EPHA5: variants seen among roughly 807,000 people sequenced by gnomAD.
The protein encoded by EPHA5 is EPH receptor A5.
In EPHA5, 60 loss-of-function variants were observed where a neutral mutation model predicts 105.0. That is an observed-to-expected ratio of 0.57 (90% CI 0.46 to 0.71). The LOEUF (loss-of-function observed/expected upper bound fraction) is 0.71. Among genes scored for constraint, EPHA5 ranks in the 30% least tolerant of loss-of-function variants. EPHA5 has a pLI of 0.00. For synonymous variants in EPHA5, 513 were observed against 449.1 expected (o/e 1.14, Z -1.80); for missense variants, 1,218 against 1,274.7 (o/e 0.96, Z 0.68).
chr4:65,331,905 C>T (rs2148797438), intron 16 of EPHA5, 68 bp downstream of exon 16: 1 of 1,539,704 alleles, frequency 6.5e-7, no homozygotes, highest in Non-Finnish European at 8.7e-7. Flanking sequence ...TTACCTCATC[C>T]AGATTGGTTT....
intron 3 of EPHA5, among the ~76,000 whole-genome samples, chr4:65,531,145 C>T (rs1287070055): frequency 6.6e-6 from 1 of 151,208 alleles, no homozygotes; most frequent in Admixed American, 6.6e-5. Context: ...TCACGCCATT[C>T]TCCTGCCTCA....
intron 3 of EPHA5, among the ~76,000 whole-genome samples, chr4:65,508,878 C>G (rs1411076762): frequency 1.3e-5 from 2 of 152,052 alleles, no homozygotes; most frequent in African/African-American, 4.8e-5. Flanking sequence ...ATATCTGTAT[C>G]TATGAATATA....
At chr4:65,524,448 A>G (rs1242110203) in intron 3 of EPHA5, among the ~76,000 whole-genome samples, 2 of 151,782 alleles carry the variant, frequency 1.3e-5, no homozygotes, top group Non-Finnish European at 1.5e-5. Flanking sequence ...ACCAACTTAC[A>G]TATCACATTG....
At chr4:65,435,342 T>G (rs1725376109) in intron 5 of EPHA5, among the ~76,000 whole-genome samples, 1 of 152,110 alleles carries the variant, frequency 6.6e-6, no homozygotes, top group East Asian at 1.9e-4. Context: ...AAGAATAATA[T>G]TTACAGAATT....
chr4:65,470,474 G>A (rs1483229697), intron 5 of EPHA5, among the ~76,000 whole-genome samples: 1 of 152,094 alleles, frequency 6.6e-6, no homozygotes, highest in East Asian at 1.9e-4. Flanking sequence ...TTACACGTGT[G>A]AACCACCACA....
chr4:65,520,272 T>C (rs1292714711), intron 3 of EPHA5, among the ~76,000 whole-genome samples: 1 of 152,094 alleles, frequency 6.6e-6, no homozygotes, highest in African/African-American at 2.4e-5. Flanking sequence ...AAACAAGCAA[T>C]GGGGAAAGGA....
intron 14 of EPHA5, among the ~76,000 whole-genome samples, chr4:65,345,426 G>A (rs1313920936): frequency 1.3e-5 from 2 of 152,220 alleles, no homozygotes; most frequent in African/African-American, 4.8e-5. Flanking sequence ...CTTTTCTTCT[G>A]GGGAAATTTG....
At chr4:65,351,017 C>T (rs1253051215) in intron 13 of EPHA5, among the ~76,000 whole-genome samples, 1 of 110,792 alleles carries the variant, frequency 9.0e-6, no homozygotes, top group Admixed American at 1.1e-4. Flanking sequence ...TGTGTATACA[C>T]AGACACATAC....
chr4:65,565,337 C>G (rs1242620024), intron 3 of EPHA5, among the ~76,000 whole-genome samples: 2 of 151,648 alleles, frequency 1.3e-5, no homozygotes, highest in Non-Finnish European at 3.0e-5. Flanking sequence ...AATCCAATTT[C>G]ATTTCAATAA....
At position 65,480,116 on chromosome 4, in the gene EPHA5, A is replaced by G. The variant is rs1430137027; in HGVS notation, c.1402+10261T>C. Among the ~76,000 whole-genome samples the G allele has an allele frequency of 8.5e-5, 13 of 152,276 alleles. No homozygotes were observed. In the East Asian group the frequency reaches 2.5e-3, roughly 29 times the overall value. ...CAGGAAAAATAACAATAAAGGAGAC[A>G]AGGAAAGAAGGAAAGGAAGAGAGAA... On this transcript the variant is annotated intron_variant, in intron 5 of 16. Transcript: ENST00000613740.
chr4:65,446,657 TAA>T (rs140549204), intron 5 of EPHA5, among the ~76,000 whole-genome samples: 9,921 of 152,264 alleles, frequency 0.065, 447 homozygotes, highest in East Asian at 0.18. Flanking sequence ...AATAGTCACA[TAA>T]AAGAGTGTAG....
chr4:65,337,107 T>C (rs1414953278), intron 14 of EPHA5, among the ~76,000 whole-genome samples: 1 of 152,026 alleles, frequency 6.6e-6, no homozygotes, highest in Non-Finnish European at 1.5e-5. Context: ...CACATAATAA[T>C]TGTACATATT....
At chr4:65,499,456 T>G (rs1487802742) in intron 3 of EPHA5, among the ~76,000 whole-genome samples, 1 of 151,628 alleles carries the variant, frequency 6.6e-6, no homozygotes, top group Non-Finnish European at 1.5e-5. Context: ...ATTTCTTAAA[T>G]TATTTTCCAT....
intron 3 of EPHA5, among the ~76,000 whole-genome samples, chr4:65,582,855 G>A (rs1325464516): frequency 1.3e-5 from 2 of 151,648 alleles, no homozygotes; most frequent in Non-Finnish European, 3.0e-5. Flanking sequence ...GCTATCATTT[G>A]ATTCTATAAC....
intron 1 of EPHA5, among the ~76,000 whole-genome samples, chr4:65,651,236 G>A (rs369420154): frequency 6.6e-6 from 1 of 152,316 alleles, no homozygotes; most frequent in East Asian, 1.9e-4. Context: ...GGGATGGGAA[G>A]TATCTGGTTC....
intron 8 of EPHA5, among the ~76,000 whole-genome samples, chr4:65,368,363 C>G (rs1368275258): frequency 6.6e-6 from 1 of 152,040 alleles, no homozygotes; most frequent in Non-Finnish European, 1.5e-5. Context: ...CTCAATGGAC[C>G]TGAAAATGAA....
At chr4:65,565,995 G>T (rs940381212) in intron 3 of EPHA5, among the ~76,000 whole-genome samples, 2 of 151,344 alleles carry the variant, frequency 1.3e-5, no homozygotes, top group African/African-American at 4.8e-5. Flanking sequence ...CAATTCATGG[G>T]TTATAACCTT....
intron 5 of EPHA5, among the ~76,000 whole-genome samples, chr4:65,468,265 T>A (rs1728909335): frequency 6.6e-6 from 1 of 151,884 alleles, no homozygotes; most frequent in Non-Finnish European, 1.5e-5. Flanking sequence ...TAAATGGTTA[T>A]TGTTTTAGGT....
chr4:65,579,773 TTC>T (rs894692580), intron 3 of EPHA5, among the ~76,000 whole-genome samples: 1 of 151,968 alleles, frequency 6.6e-6, no homozygotes, highest in African/African-American at 2.4e-5. Flanking sequence ...TTCTGTTTTT[TTC>T]TGAGCATAGT....
Sources: allele counts gnomAD v4.1 joint callset (sites outside exome capture counted in the v4.1 genomes callset), GRCh38; gene constraint gnomAD v4.1.1; transcripts MANE v1.5; gene names NCBI Gene and HGNC (gene_info 2026-07-23, HGNC 2026-07-21).